FOCAD: variants seen among roughly 807,000 people sequenced by gnomAD.
FOCAD encodes the protein focadhesin.
FOCAD carries 198 observed loss-of-function variants against 225.6 expected under a neutral mutation model. The ratio of observed to expected loss-of-function variants is 0.88; its 90% CI spans 0.78 to 0.99. FOCAD has a LOEUF of 0.99. Ranked by LOEUF, FOCAD falls within the 50% of genes least tolerant of loss-of-function variation. The pLI is 0.00. For missense variants in FOCAD, 2,713 were observed against 2,123.6 expected (o/e 1.28, Z -5.46); for synonymous variants, 897 against 755.0 (o/e 1.19, Z -3.08).
At chr9:20,664,641 CTTTT>C (rs558613749) in intron 2 of FOCAD, among the ~76,000 whole-genome samples, 1 of 138,530 alleles carries the variant, frequency 7.2e-6, no homozygotes, top group Non-Finnish European at 1.6e-5. Flanking sequence ...TCTTTCCTTT[CTTTT>C]TTTTTTTTTT....
At chr9:20,856,805 A>C (rs1215431571) in intron 15 of FOCAD, among the ~76,000 whole-genome samples, 1 of 152,018 alleles carries the variant, frequency 6.6e-6, no homozygotes, top group Non-Finnish European at 1.5e-5. Flanking sequence ...ATTCTTCTGC[A>C]TATGGTTATC....
chr9:20,978,482 A>G (rs1289359670), intron 37 of FOCAD, 28 bp downstream of exon 37: 1 of 1,449,044 alleles, frequency 6.9e-7, no homozygotes, highest in East Asian at 2.4e-5. Context: ...GTGTTGGCCA[A>G]CAGGAGGATA....
intron 19 of FOCAD, 200 bp downstream of exon 19, chr9:20,875,007 T>G: frequency 1.7e-6 from 1 of 581,330 alleles, no homozygotes; most frequent in African/African-American, 1.9e-5. Context: ...ACGTTACATC[T>G]GAGTAGGATT....
Position 20,894,768 on chromosome 9 carries a change from A to T in FOCAD, c.2625+9538A>T, listed in dbSNP as rs1013067229. On this transcript the variant is annotated intron_variant, in intron 21 of 43. Transcript: ENST00000338382. ...CTGCCTTTTGCAAATATTTTCTTAGAGTCTATGGCTTATCTATTCTCTTGA... is the reference window on the plus strand; with the variant it reads ...CTGCCTTTTGCAAATATTTTCTTAGTGTCTATGGCTTATCTATTCTCTTGA... Among the ~76,000 whole-genome samples, 6 of 151,996 alleles carry T rather than the reference A, an allele frequency of 3.9e-5. 1 individual carries two copies. The highest frequency in any genetic ancestry group is 3.3e-4 in the Admixed American group (5 of 15,204).
chr9:20,841,207 T>G (rs1826490119), intron 15 of FOCAD, among the ~76,000 whole-genome samples: 1 of 152,010 alleles, frequency 6.6e-6, no homozygotes, highest in Non-Finnish European at 1.5e-5. Flanking sequence ...GTTTATCTTT[T>G]CTGATTTTGG....
intron 24 of FOCAD, among the ~76,000 whole-genome samples, chr9:20,922,754 A>G (rs563992722): frequency 6.6e-6 from 1 of 152,290 alleles, no homozygotes; most frequent in East Asian, 1.9e-4. Flanking sequence ...ACATCAAAGG[A>G]CTGAGGACTA....
chr9:20,748,369 C>T (rs1162100555), intron 5 of FOCAD, among the ~76,000 whole-genome samples: 1 of 151,838 alleles, frequency 6.6e-6, no homozygotes, highest in Non-Finnish European at 1.5e-5. Flanking sequence ...GTAGCAACTA[C>T]CTAAGATATA....
intron 35 of FOCAD, among the ~76,000 whole-genome samples, chr9:20,973,618 A>G (rs552760095): frequency 4.9e-5 from 7 of 142,628 alleles, no homozygotes; most frequent in Non-Finnish European, 9.0e-5. Context: ...TCCCCATTTT[A>G]GCATCTGCTA....
In FOCAD at chr9:20,720,474, A is replaced by G; in HGVS notation, c.227A>G (p.Gln76Arg). The change falls in exon 4 of 44, where the codon CAG becomes CGG. Residue 76 changes from glutamine (Q) to arginine (R), a missense_variant. Gln to Arg is a conservative substitution (Grantham distance 43). Transcript: ENST00000338382. Reference protein sequence around the residue: ...CCEGLVALVAQDHAEFSYVLN... With the variant: ...CCEGLVALVARDHAEFSYVLN... ...GAAGGTCTGGTGGCACTCGTTGCTC[A>G]GGATCATGCAGAGTTCAGCTATGTT... The G allele has an allele frequency of 1.2e-6, 2 of 1,614,132 alleles. No homozygotes were observed. The highest frequency in any genetic ancestry group is 8.5e-7 in the Non-Finnish European group (1 of 1,179,974).
At chr9:20,777,921 T>TCTACTAAA (rs935640899) in intron 8 of FOCAD, among the ~76,000 whole-genome samples, 1 of 151,752 alleles carries the variant, frequency 6.6e-6, no homozygotes, top group African/African-American at 2.4e-5. Context: ...AAACCCCGTC[T>TCTACTAAA]CTACTAAAAA....
In FOCAD at chr9:20,986,302, A is replaced by G. The variant is rs760472586; in HGVS notation, c.4743A>G (p.Lys1581=). 7.1e-6 allele frequency: 5 copies of G among 703,574 alleles called. No individual in the cohort carries two copies. In the African/African-American group the frequency reaches 1.5e-4, roughly 21 times the overall value. 43.6% of individuals were successfully genotyped at this position (703,574 alleles called of 1,614,324 possible). A position where few individuals can be genotyped will look rare whatever the true frequency, so the allele number is the denominator to read the frequency against. ...TTTTTTTGCAGAGCAACATAGAAAA[A>G]GCTGCCTTTGTCAAACTGTACTTAG... The part of the protein sequence containing the change: ...IAQVTKSNIE[K]AAFVKLYLVS... Residue 1581 remains lysine (K), a synonymous_variant, in exon 40 of 44, where the codon AAA becomes AAG. Transcript: ENST00000338382.
chr9:20,666,162 T>G (rs547726079), intron 2 of FOCAD, among the ~76,000 whole-genome samples: 1 of 152,224 alleles, frequency 6.6e-6, no homozygotes, highest in Non-Finnish European at 1.5e-5. Context: ...GTTTGTTCAT[T>G]TGTTGTTAAA....
intron 4 of FOCAD, among the ~76,000 whole-genome samples, chr9:20,727,832 G>A (rs1826334132): frequency 6.6e-6 from 1 of 152,090 alleles, no homozygotes. Context: ...TCCCTCTTGG[G>A]ATGTTATGTC....
chr9:20,867,036 G>A lies in FOCAD; in HGVS notation c.2190+24G>A, dbSNP rs73648427. On this transcript the variant is annotated intron_variant, in intron 18 of 43. Coordinates refer to ENST00000338382, the MANE Select transcript of FOCAD (RefSeq NM_001375567.1). The stretch of plus-strand genomic sequence containing the variant: ...AGGTAGGCATATCTGCTTTCTCACT[G>A]GTATTTCTTAATTTGCTAGGGTTTA... 8.1e-6 allele frequency: 12 copies of A among 1,473,518 alleles called. No homozygotes were observed. The African/African-American group carries it at 1.6e-4, about 19-fold the overall frequency. 91.3% of individuals were successfully genotyped at this position (1,473,518 alleles called of 1,614,324 possible).
intron 43 of FOCAD, among the ~76,000 whole-genome samples, chr9:20,995,019 A>G (rs191266072): frequency 6.6e-6 from 1 of 152,274 alleles, no homozygotes; most frequent in Admixed American, 6.5e-5. Context: ...AGAACTTCCT[A>G]TTTTAAATTG....
intron 11 of FOCAD, among the ~76,000 whole-genome samples, chr9:20,811,711 T>A (rs1322296392): frequency 6.6e-6 from 1 of 152,050 alleles, no homozygotes; most frequent in African/African-American, 2.4e-5. Context: ...AGCACTTCTG[T>A]CAATAAACTT....
At chr9:20,774,951 A>T (rs2131044245) in intron 8 of FOCAD, among the ~76,000 whole-genome samples, 1 of 152,346 alleles carries the variant, frequency 6.6e-6, no homozygotes, top group Admixed American at 6.5e-5. Flanking sequence ...TAGGAAAATT[A>T]ATTTGTGAAC....
chr9:20,911,329 G>T (rs1833419928), intron 22 of FOCAD, among the ~76,000 whole-genome samples: 2 of 152,104 alleles, frequency 1.3e-5, no homozygotes, highest in South Asian at 2.1e-4. Flanking sequence ...GAGCCCCAGG[G>T]TATGGTGAGT....
rs1206819931 is a variant in FOCAD, at chr9:20,820,381, A to C, written c.1618A>C (p.Arg540=). 1 of 1,612,968 alleles carries C rather than the reference A, an allele frequency of 6.2e-7. No homozygotes were observed. The highest frequency in any genetic ancestry group is 1.1e-5 in the South Asian group (1 of 91,042). The change falls in exon 13 of 44, where the codon AGA becomes CGA. Residue 540 remains arginine, a synonymous_variant. Transcript: ENST00000338382. ...ACTACTTGGAACCACACCACGACTAAGAGCTGTCACTTTGCGCTTGCTGAC... is the reference window on the plus strand; with the variant it reads ...ACTACTTGGAACCACACCACGACTACGAGCTGTCACTTTGCGCTTGCTGAC... The part of the protein sequence containing the change: ...IQLLGTTPRL[R]AVTLRLLTSL...
Sources: gnomAD v4.1 joint callset for allele counts (sites outside exome capture counted in the v4.1 genomes callset) on GRCh38, gnomAD v4.1.1 for gene constraint, MANE v1.5 for transcripts, NCBI Gene and HGNC (gene_info 2026-07-23, HGNC 2026-07-21) for gene names.